Variants in MIR2052HG observed in about 807,000 individuals in gnomAD.
The protein encoded by MIR2052HG is MIR2052 host gene.
At chr8:74,659,838 T>C (rs1808842787) in intron 2 of MIR2052HG, among the ~76,000 whole-genome samples, 1 of 152,238 alleles carries the variant, frequency 6.6e-6, no homozygotes, top group South Asian at 2.1e-4. Context: ...TTTCTCAATT[T>C]TGAACCAAGC....
chr8:74,607,820 C>T (rs111686257), intron 1 of MIR2052HG, among the ~76,000 whole-genome samples: 146 of 152,204 alleles, frequency 9.6e-4, no homozygotes, highest in African/African-American at 3.2e-3. Flanking sequence ...ACTAGCTTAG[C>T]GGAAGTACAG....
At chr8:74,692,372 A>G (rs184922917) in intron 2 of MIR2052HG, among the ~76,000 whole-genome samples, 118 of 152,284 alleles carry the variant, frequency 7.7e-4, no homozygotes, top group African/African-American at 2.6e-3. Flanking sequence ...GCCTGAATTG[A>G]ACATTTCAAT....
At chr8:74,684,526 G>A (rs1205866012) in intron 2 of MIR2052HG, among the ~76,000 whole-genome samples, 1 of 152,004 alleles carries the variant, frequency 6.6e-6, no homozygotes, top group African/African-American at 2.4e-5. Context: ...CACATTGCAA[G>A]ATCACATGAG....
intron 2 of MIR2052HG, among the ~76,000 whole-genome samples, chr8:74,652,193 G>A (rs944703783): frequency 5.9e-5 from 9 of 152,126 alleles, no homozygotes; most frequent in Admixed American, 5.2e-4. Flanking sequence ...AGTATTTAAG[G>A]CTGTCTTACT....
intron 2 of MIR2052HG, among the ~76,000 whole-genome samples, chr8:74,646,074 G>A (rs1403307131): frequency 6.8e-6 from 1 of 146,180 alleles, no homozygotes; most frequent in Middle Eastern, 3.4e-3. Flanking sequence ...ATTAAGAGTG[G>A]CAGGGTCTTT....
intron 4 of MIR2052HG, among the ~76,000 whole-genome samples, chr8:74,723,022 G>A (rs1428217417): frequency 6.6e-6 from 1 of 152,188 alleles, no homozygotes; most frequent in Non-Finnish European, 1.5e-5. Context: ...TCAGGGTAAT[G>A]AATTTCAGCT....
chr8:74,611,933 A>T (rs1005585946), intron 1 of MIR2052HG, among the ~76,000 whole-genome samples: 4 of 152,180 alleles, frequency 2.6e-5, no homozygotes, highest in African/African-American at 9.7e-5. Context: ...ACATGAACCA[A>T]ATTTGTTACT....
intron 2 of MIR2052HG, among the ~76,000 whole-genome samples, chr8:74,698,475 G>A (rs967683488): frequency 1.3e-5 from 2 of 152,008 alleles, no homozygotes; most frequent in Non-Finnish European, 2.9e-5. Context: ...AGAACCCAAA[G>A]GCAAATGCAA....
At chr8:74,702,173 A>G (rs1809364411) in intron 2 of MIR2052HG, among the ~76,000 whole-genome samples, 1 of 152,128 alleles carries the variant, frequency 6.6e-6, no homozygotes, top group Admixed American at 6.6e-5. Flanking sequence ...CTGCAGCTAC[A>G]GTGTTGAAAA....
chr8:74,619,447 C>T (rs2128732446), intron 2 of MIR2052HG, among the ~76,000 whole-genome samples: 1 of 152,268 alleles, frequency 6.6e-6, no homozygotes, highest in South Asian at 2.1e-4. Context: ...TGTCTATTCA[C>T]ACACTGCTAT....
chr8:74,656,876 C>T (rs1808812734), intron 2 of MIR2052HG, among the ~76,000 whole-genome samples: 1 of 152,150 alleles, frequency 6.6e-6, no homozygotes, highest in South Asian at 2.1e-4. Flanking sequence ...TGTTTAGGGA[C>T]AGTCAAGAAG....
intron 2 of MIR2052HG, chr8:74,632,581 G>T (rs762810265): frequency 6.6e-6 from 1 of 151,908 alleles, no homozygotes; most frequent in East Asian, 1.9e-4. Flanking sequence ...TAAACTTCAG[G>T]CTTAAAAATT....
At chr8:74,635,620 T>C (rs953267113) in intron 2 of MIR2052HG, among the ~76,000 whole-genome samples, 1 of 152,218 alleles carries the variant, frequency 6.6e-6, no homozygotes, top group Non-Finnish European at 1.5e-5. Flanking sequence ...ATTTGACCTT[T>C]ATTTAATAGG....
At chr8:74,613,740 G>C (rs902536348) in intron 2 of MIR2052HG, among the ~76,000 whole-genome samples, 1 of 152,168 alleles carries the variant, frequency 6.6e-6, no homozygotes, top group African/African-American at 2.4e-5. Context: ...ACCCGACTCC[G>C]CCTCCCAAAG....
At chr8:74,657,787 A>G (rs1808822506) in intron 2 of MIR2052HG, among the ~76,000 whole-genome samples, 1 of 152,088 alleles carries the variant, frequency 6.6e-6, no homozygotes, top group African/African-American at 2.4e-5. Context: ...CCATGATTCA[A>G]TTACTTCCCA....
chr8:74,610,879 C>G (rs1232079683), intron 1 of MIR2052HG, among the ~76,000 whole-genome samples: 1 of 151,800 alleles, frequency 6.6e-6, no homozygotes, highest in Non-Finnish European at 1.5e-5. Context: ...AAGTATCAAG[C>G]TAAAAATACA....
intron 2 of MIR2052HG, among the ~76,000 whole-genome samples, chr8:74,646,251 A>G (rs1207339367): frequency 6.6e-6 from 1 of 152,220 alleles, no homozygotes; most frequent in Non-Finnish European, 1.5e-5. Context: ...TAGAGGAAGT[A>G]AGAGACTTTC....
intron 2 of MIR2052HG, among the ~76,000 whole-genome samples, chr8:74,692,317 C>T (rs567154434): frequency 6.6e-6 from 1 of 152,270 alleles, no homozygotes; most frequent in Non-Finnish European, 1.5e-5. Context: ...GTCTCAAATT[C>T]TTGGCTTCAA....
At chr8:74,656,042 G>C (rs185750430) in intron 2 of MIR2052HG, among the ~76,000 whole-genome samples, 4 of 152,076 alleles carry the variant, frequency 2.6e-5, no homozygotes, top group African/African-American at 7.2e-5. Context: ...TTGAACTTGC[G>C]TGGGCCCTGT....
Sources: gnomAD v4.1 joint callset for allele counts (sites outside exome capture counted in the v4.1 genomes callset) on GRCh38, gnomAD v4.1.1 for gene constraint, MANE v1.5 for transcripts, NCBI Gene and HGNC (gene_info 2026-07-23, HGNC 2026-07-21) for gene names.